The following CHM variants were observed in gnomAD, a reference collection of about 807,000 sequenced individuals.
CHM encodes rab proteins geranylgeranyltransferase component A 1.
In CHM, 10 loss-of-function variants were observed where a neutral mutation model predicts 49.0. The ratio of observed to expected loss-of-function variants is 0.20; its 90% CI spans 0.13 to 0.35. The LOEUF (loss-of-function observed/expected upper bound fraction) is 0.35, where lower values mean the gene tolerates loss of function less well. CHM is among the 10% of genes least tolerant of loss of function. The pLI, the probability that CHM is intolerant of heterozygous loss-of-function variation, is 1.00. For synonymous variants in CHM, 184 were observed against 167.5 expected, an observed-to-expected ratio of 1.10 and a Z score of -0.76; for missense variants, 455 against 478.4, an observed-to-expected ratio of 0.95 and a Z score of 0.46.
At chrX:85,985,260 TC>T (rs1444638612) in intron 2 of CHM, among the ~76,000 whole-genome samples, 2 of 112,058 alleles carry the variant, frequency 1.8e-5, no homozygotes, top group African/African-American at 6.5e-5. Flanking sequence ...TCAGACCCAG[TC>T]CCCCAAGCCC....
At chrX:85,929,558 C>G (rs1320138218) in intron 8 of CHM, among the ~76,000 whole-genome samples, 2 of 112,093 alleles carry the variant, frequency 1.8e-5, no homozygotes, top group African/African-American at 3.2e-5. Flanking sequence ...GCAGTGTATT[C>G]CAAATGTCTA....
At chrX:85,873,441 G>A (rs1024292118) in intron 13 of CHM, among the ~76,000 whole-genome samples, 3 of 111,563 alleles carry the variant, frequency 2.7e-5, no homozygotes, top group Non-Finnish European at 5.7e-5. Flanking sequence ...CTTCTCACTA[G>A]TATCAAAGGG....
At chrX:85,938,558 T>G (rs933391990) in intron 8 of CHM, among the ~76,000 whole-genome samples, 12 of 108,961 alleles carry the variant, frequency 1.1e-4, no homozygotes, top group African/African-American at 3.7e-4. Context: ...TTTTTTTTTT[T>G]TTGGTGGTGG....
Position 85,864,800 on chromosome X carries a change from T to C in CHM, c.1792A>G (p.Ile598Val), listed in dbSNP as rs777727424. ...GGACAGAAATCTTCATTGGGGCAGA[T>C]TTCCTGGAAAAGTGTTTCAGCCTGG... ...VKQAETLFQE[I>V]CPNEDFCPPP... The change falls in exon 15 of 15, where the codon ATC (isoleucine) becomes GTC (valine). Residue 598 changes from isoleucine (I) to valine (V), a missense_variant. By Grantham distance (29) the Ile-to-Val change is conservative. Coordinates refer to ENST00000357749, the MANE Select transcript of CHM (RefSeq NM_000390.4). 3 of 1,208,481 alleles carry C rather than the reference T, an allele frequency of 2.5e-6. No homozygotes were observed. The highest frequency in any genetic ancestry group is 2.2e-6 in the Non-Finnish European group (2 of 893,735).
chrX:86,043,290 A>G (rs1278935284), intron 1 of CHM, among the ~76,000 whole-genome samples: 1 of 111,752 alleles, frequency 8.9e-6, no homozygotes, highest in Non-Finnish European at 1.9e-5. Flanking sequence ...CACATCTACT[A>G]CTGTATGGTG....
At chrX:85,928,938 C>T (rs1430025236) in intron 8 of CHM, among the ~76,000 whole-genome samples, 1 of 111,620 alleles carries the variant, frequency 9.0e-6, no homozygotes, top group Non-Finnish European at 1.9e-5. Flanking sequence ...TTTTAAAGTT[C>T]CCCAGCCCTT....
intron 10 of CHM, 35 bp downstream of exon 10, chrX:85,901,049 T>C: frequency 1.0e-6 from 1 of 962,823 alleles, no homozygotes. Flanking sequence ...TCAATAAAAT[T>C]ACCTTCGCTT....
At chrX:85,881,154 TC>T (rs997025976) in intron 12 of CHM, among the ~76,000 whole-genome samples, 6 of 111,956 alleles carry the variant, frequency 5.4e-5, no homozygotes, top group African/African-American at 1.9e-4. Flanking sequence ...CATCAAGTAT[TC>T]CTGTGTTTAA....
At chrX:86,015,748 C>A (rs1372882947) in intron 2 of CHM, among the ~76,000 whole-genome samples, 1 of 112,309 alleles carries the variant, frequency 8.9e-6, no homozygotes, top group African/African-American at 3.2e-5. Context: ...TGGCATTTTG[C>A]CCATGCCCTA....
Position 85,863,440 on chromosome X carries a change from G to C in CHM, c.*1190C>G, listed in dbSNP as rs983433940. On this transcript the variant is annotated 3_prime_UTR_variant, in exon 15 of 15. Coordinates refer to ENST00000357749, the MANE Select transcript of CHM (RefSeq NM_000390.4). ...TGTCATACACAATTTGGAGTCCTTG[G>C]TGGTTGCAGGTTTACCTACCAGAAA... 2 of 111,555 alleles carry C rather than the reference G, an allele frequency of 1.8e-5. No individual in the cohort carries two copies. Among genetic ancestry groups the C allele is most frequent in the Admixed American group, 1.9e-4 (2 of 10,475 alleles). The allele number at this position is 111,555 out of a possible 1,213,427, so 9.2% of individuals were successfully genotyped here. A position where few individuals can be genotyped will look rare whatever the true frequency, so the allele number is the denominator to read the frequency against.
rs370833570 is a variant in CHM at position 85,957,933 on chromosome X, T to G, written c.862A>C (p.Thr288Pro). The change falls in exon 7 of 15, where the codon ACT becomes CCT. Residue 288 changes from threonine to proline, a missense_variant. Physicochemically the swap from Thr to Pro is conservative, Grantham distance 38. Transcript: ENST00000357749. Reference protein sequence around the residue: ...RADVFNSKQLTMVEKRMLMKF... With the variant: ...RADVFNSKQLPMVEKRMLMKF... ...ATTAGCATTCGCTTTTCTACCATAGTAAGTTGTTTGCTATTAAAGACATCT... is the reference window on the plus strand; with the variant it reads ...ATTAGCATTCGCTTTTCTACCATAGGAAGTTGTTTGCTATTAAAGACATCT... 3.3e-6 allele frequency: 4 copies of G among 1,209,430 alleles called. No individual in the cohort carries two copies. Among genetic ancestry groups the G allele is most frequent in the Non-Finnish European group, 4.5e-6 (4 of 894,705 alleles).
At chrX:85,926,132 A>AC (rs371512960) in intron 8 of CHM, among the ~76,000 whole-genome samples, 2 of 111,130 alleles carry the variant, frequency 1.8e-5, no homozygotes, top group African/African-American at 6.5e-5. Flanking sequence ...TAAAAAAAAA[A>AC]CACAAAAAAC....
chrX:85,900,597 C>T (rs1926197786), intron 11 of CHM, 49 bp downstream of exon 11: 2 of 763,445 alleles, frequency 2.6e-6, no homozygotes, highest in Non-Finnish European at 4.0e-6. Flanking sequence ...TATACCGAAA[C>T]ATCTTCATAT....
intron 4 of CHM, 27 bp from the exon 5 acceptor site, chrX:85,964,079 C>G (rs1467651664): frequency 8.5e-7 from 1 of 1,179,611 alleles, no homozygotes. Flanking sequence ...TAATAAACAC[C>G]AGGCTTTATA....
chrX:86,034,276 G>GAAAGATAAAA (rs1264928908), intron 1 of CHM, among the ~76,000 whole-genome samples: 1 of 111,962 alleles, frequency 8.9e-6, no homozygotes, highest in East Asian at 2.8e-4. Flanking sequence ...ATGATAAAGT[G>GAAAGATAAAA]AAAGATAAAA....
At chrX:85,951,918 AGC>A (rs1929771552) in intron 8 of CHM, among the ~76,000 whole-genome samples, 1 of 111,907 alleles carries the variant, frequency 8.9e-6, no homozygotes, top group Non-Finnish European at 1.9e-5. Context: ...AGGGAGTGAG[AGC>A]ATAGCAACTG....
At chrX:85,938,650 C>T (rs986548826) in intron 8 of CHM, among the ~76,000 whole-genome samples, 1 of 108,766 alleles carries the variant, frequency 9.2e-6, no homozygotes, top group Non-Finnish European at 1.9e-5. Context: ...TGTAGCTATG[C>T]ACATTATACG....
intron 9 of CHM, among the ~76,000 whole-genome samples, chrX:85,910,702 A>T (rs1230457291): frequency 9.0e-6 from 1 of 111,454 alleles, no homozygotes; most frequent in Non-Finnish European, 1.9e-5. Context: ...CAATCTACCT[A>T]AAAACTCATT....
chrX:85,946,332 A>G (rs1929407591), intron 8 of CHM, among the ~76,000 whole-genome samples: 1 of 112,532 alleles, frequency 8.9e-6, no homozygotes, highest in Admixed American at 9.4e-5. Flanking sequence ...AAGGCATTTC[A>G]GAGAACTTCG....
Sources: allele counts gnomAD v4.1 joint callset (sites outside exome capture counted in the v4.1 genomes callset), GRCh38; gene constraint gnomAD v4.1.1; transcripts MANE v1.5; gene names NCBI Gene and HGNC (gene_info 2026-07-23, HGNC 2026-07-21).